Variants in SNAP91 observed in about 807,000 individuals in gnomAD.
SNAP91 encodes the protein clathrin coat assembly protein AP180.
In SNAP91, 27 loss-of-function variants were observed where a neutral mutation model predicts 100.3. The observed-to-expected ratio is 0.27, with a 90% CI of 0.20 to 0.37. SNAP91 has a LOEUF of 0.37. SNAP91 is among the 10% of genes least tolerant of loss of function. SNAP91 has a pLI of 1.00. For missense variants in SNAP91, 986 were observed against 1,123.7 expected (o/e 0.88, Z 1.75); for synonymous variants, 404 against 398.6 (o/e 1.01, Z -0.16).
At chr6:83,594,622 T>C (rs1209487318) in intron 16 of SNAP91, 141 bp from the exon 17 acceptor site, 3 of 551,750 alleles carry the variant, frequency 5.4e-6, no homozygotes, top group Non-Finnish European at 9.5e-6. Flanking sequence ...GCCCATGCGC[T>C]GTCGGTGGTC....
chr6:83,665,141 T>C (rs1586449907), intron 3 of SNAP91, among the ~76,000 whole-genome samples: 4 of 152,162 alleles, frequency 2.6e-5, no homozygotes, highest in Admixed American at 2.6e-4. Context: ...AACCAAAACA[T>C]TTGTGTGACT....
intron 2 of SNAP91, among the ~76,000 whole-genome samples, chr6:83,666,817 T>A (rs1186696266): frequency 2.0e-5 from 3 of 152,020 alleles, no homozygotes; most frequent in Non-Finnish European, 4.4e-5. Context: ...TACTCATCCT[T>A]CAGGAAGTCT....
At chr6:83,670,447 C>G (rs1001932374) in intron 2 of SNAP91, among the ~76,000 whole-genome samples, 1 of 151,738 alleles carries the variant, frequency 6.6e-6, no homozygotes, top group Admixed American at 6.6e-5. Flanking sequence ...CTCTATCATA[C>G]ATGTGACTTG....
chr6:83,643,348 T>A (rs893089436), intron 7 of SNAP91, among the ~76,000 whole-genome samples: 2 of 152,230 alleles, frequency 1.3e-5, no homozygotes, highest in Admixed American at 1.3e-4. Context: ...CTTTAATCCA[T>A]CTTGAATTAA....
chr6:83,577,603 G>A (rs903252324), intron 24 of SNAP91, among the ~76,000 whole-genome samples: 1 of 152,122 alleles, frequency 6.6e-6, no homozygotes, highest in African/African-American at 2.4e-5. Context: ...AGAAGGCTCT[G>A]GGATGGAGAT....
At chr6:83,686,616 G>T (rs2099065123) in intron 2 of SNAP91, among the ~76,000 whole-genome samples, 1 of 152,180 alleles carries the variant, frequency 6.6e-6, no homozygotes, top group South Asian at 2.1e-4. Context: ...ATTATCTAGT[G>T]CTTTAGGTGG....
intron 2 of SNAP91, among the ~76,000 whole-genome samples, chr6:83,677,596 A>T (rs1021173513): frequency 2.6e-5 from 4 of 152,144 alleles, no homozygotes; most frequent in African/African-American, 9.7e-5. Flanking sequence ...GGAAATTTAT[A>T]TTTTTGTCTT....
Position 83,591,200 on chromosome 6 carries a change from A to G in SNAP91, c.2014+11T>C, listed in dbSNP as rs1217633624. 1.9e-6 allele frequency: 3 copies of G among 1,559,954 alleles called. No individual in the cohort carries two copies. The highest frequency in any genetic ancestry group is 2.2e-5 in the East Asian group (1 of 44,544). ...TTTAACTTCTACAAAATACCATTTT[A>G]ATTTAATTACCAGCTAGTAGGTCTG... On this transcript the variant is annotated intron_variant, in intron 22 of 29. Transcript: ENST00000369694.
At chr6:83,560,975 T>C (rs1383238060) in intron 26 of SNAP91, 28 bp from the exon 27 acceptor site, 2 of 1,468,058 alleles carry the variant, frequency 1.4e-6, no homozygotes, top group East Asian at 2.3e-5. Flanking sequence ...CATACACATA[T>C]AAATAACACA....
intron 23 of SNAP91, 31 bp downstream of exon 23, chr6:83,582,191 T>C (rs1829442919): frequency 1.2e-6 from 2 of 1,610,492 alleles, no homozygotes; most frequent in African/African-American, 1.3e-5. Flanking sequence ...CCAGGACACA[T>C]GAAAAGAATG....
At chr6:83,703,231 G>A (rs1016004343) in intron 2 of SNAP91, among the ~76,000 whole-genome samples, 1 of 150,556 alleles carries the variant, frequency 6.6e-6, no homozygotes, top group African/African-American at 2.4e-5. Flanking sequence ...CAGCAAGTTA[G>A]TACACTTCTC....
intron 2 of SNAP91, among the ~76,000 whole-genome samples, chr6:83,705,526 G>A (rs558130534): frequency 3.3e-5 from 5 of 152,050 alleles, no homozygotes; most frequent in Non-Finnish European, 7.4e-5. Flanking sequence ...GTTTGGACAG[G>A]GGAAGTAGCA....
intron 14 of SNAP91, 91 bp downstream of exon 14, chr6:83,605,594 A>C: frequency 6.7e-7 from 1 of 1,482,336 alleles, no homozygotes; most frequent in Non-Finnish European, 9.1e-7. Context: ...ATTTTAGATA[A>C]TCAAAAGGTA....
intron 2 of SNAP91, among the ~76,000 whole-genome samples, chr6:83,677,882 T>C (rs2128888158): frequency 6.6e-6 from 1 of 152,308 alleles, no homozygotes; most frequent in South Asian, 2.1e-4. Context: ...AGGTGGAAGA[T>C]GACCATTTGT....
At chr6:83,679,486 C>T (rs1228414941) in intron 2 of SNAP91, among the ~76,000 whole-genome samples, 3 of 152,132 alleles carry the variant, frequency 2.0e-5, no homozygotes, top group Non-Finnish European at 4.4e-5. Context: ...TAAAAGTCGA[C>T]AGCAGCAGAA....
intron 2 of SNAP91, among the ~76,000 whole-genome samples, chr6:83,697,365 C>CACA (rs1388042632): frequency 6.7e-6 from 1 of 149,322 alleles, no homozygotes; most frequent in Non-Finnish European, 1.5e-5. Context: ...CACACACACA[C>CACA]AATGCCGGCA....
intron 22 of SNAP91, among the ~76,000 whole-genome samples, chr6:83,589,027 G>A (rs2093331005): frequency 6.6e-6 from 1 of 152,092 alleles, no homozygotes; most frequent in South Asian, 2.1e-4. Context: ...TGATTTTATG[G>A]GCCGTTTTAA....
chr6:83,638,994 A>G (rs1279232102), intron 8 of SNAP91, among the ~76,000 whole-genome samples: 2 of 152,240 alleles, frequency 1.3e-5, no homozygotes, highest in African/African-American at 2.4e-5. Flanking sequence ...TTCAGATAAG[A>G]ATATAAGGCA....
chr6:83,665,472 C>T lies in SNAP91; in HGVS notation c.240G>A (p.Val80=). Residue 80 remains valine, a synonymous_variant, in exon 3 of 30, where the codon GTG becomes GTA. Transcript: ENST00000369694. The part of the protein sequence containing the change: ...SSWVVVFKAL[V]TTHHLMVHGN... Reference sequence around the variant, plus strand: ...CATGCACCATGAGATGATGTGTTGTCACTAAAGCCTTAAACACAACCACCC... The same window carrying T: ...CATGCACCATGAGATGATGTGTTGTTACTAAAGCCTTAAACACAACCACCC... 1 of 1,612,808 alleles carries T rather than the reference C, an allele frequency of 6.2e-7. No homozygotes were observed. The highest frequency in any genetic ancestry group is 8.5e-7 in the Non-Finnish European group (1 of 1,179,180).
Sources: gnomAD v4.1 joint callset for allele counts (sites outside exome capture counted in the v4.1 genomes callset) on GRCh38, gnomAD v4.1.1 for gene constraint, MANE v1.5 for transcripts, NCBI Gene and HGNC (gene_info 2026-07-23, HGNC 2026-07-21) for gene names.